Variants in SLC9A9 observed in about 807,000 individuals in gnomAD.
The protein encoded by SLC9A9 is sodium/hydrogen exchanger 9.
Under a neutral mutation model 77.8 loss-of-function variants are expected in SLC9A9, and 62 were observed. That is an observed-to-expected ratio of 0.80 (90% CI 0.65 to 0.98). SLC9A9 has a LOEUF of 0.98. SLC9A9 is among the 50% of genes least tolerant of loss of function. SLC9A9 has a pLI of 0.00. For synonymous variants in SLC9A9, 320 were observed against 283.5 expected, an observed-to-expected ratio of 1.13 and a Z score of -1.29; for missense variants, 775 against 774.9, an observed-to-expected ratio of 1.00 and a Z score of 0.00.
At chr3:143,390,413 G>C (rs940602484) in intron 12 of SLC9A9, among the ~76,000 whole-genome samples, 2 of 152,234 alleles carry the variant, frequency 1.3e-5, no homozygotes, top group Non-Finnish European at 2.9e-5. Context: ...ACAAAACGGA[G>C]ATAGGAATGG....
chr3:143,751,196 G>T (rs1235781915), intron 4 of SLC9A9, among the ~76,000 whole-genome samples: 1 of 152,168 alleles, frequency 6.6e-6, no homozygotes, highest in Non-Finnish European at 1.5e-5. Context: ...ACAGGCTCAT[G>T]CTGTGTGGAG....
At chr3:143,644,577 G>A (rs990862181) in intron 6 of SLC9A9, among the ~76,000 whole-genome samples, 2 of 152,194 alleles carry the variant, frequency 1.3e-5, no homozygotes, top group African/African-American at 4.8e-5. Context: ...AGGCAGGGGT[G>A]TGGGCAGCAC....
chr3:143,620,257 A>T (rs576912341), intron 6 of SLC9A9, among the ~76,000 whole-genome samples: 57 of 152,340 alleles, frequency 3.7e-4, no homozygotes, highest in African/African-American at 1.3e-3. Context: ...GGTTTTGGCA[A>T]GTAGTTGAAC....
chr3:143,574,244 CCTT>C (rs2037319306), intron 7 of SLC9A9, 51 bp from the exon 8 acceptor site: 3 of 1,428,410 alleles, frequency 2.1e-6, no homozygotes, highest in South Asian at 2.3e-5. Flanking sequence ...AGCTACATCT[CCTT>C]CTTGGCTGAG....
At chr3:143,838,388 G>A (rs2009626124) in intron 1 of SLC9A9, among the ~76,000 whole-genome samples, 1 of 152,222 alleles carries the variant, frequency 6.6e-6, no homozygotes, top group Non-Finnish European at 1.5e-5. Context: ...TGGCACAGCA[G>A]AGGACTGGAG....
chr3:143,736,211 T>C (rs551046408), intron 4 of SLC9A9, among the ~76,000 whole-genome samples: 11 of 152,292 alleles, frequency 7.2e-5, no homozygotes, highest in African/African-American at 2.6e-4. Context: ...CTAAATTTAG[T>C]CTCCCCTTGT....
intron 5 of SLC9A9, among the ~76,000 whole-genome samples, chr3:143,663,985 C>T (rs980380508): frequency 1.3e-5 from 2 of 152,080 alleles, no homozygotes; most frequent in African/African-American, 4.8e-5. Flanking sequence ...GAGAACGCCA[C>T]AAAGATACTC....
intron 9 of SLC9A9, among the ~76,000 whole-genome samples, chr3:143,536,240 G>A (rs2036587044): frequency 6.6e-6 from 1 of 152,110 alleles, no homozygotes; most frequent in Admixed American, 6.5e-5. Context: ...TGGGTGAGGT[G>A]GGTAAAGAAC....
chr3:143,536,390 G>A (rs2036588741), intron 9 of SLC9A9, among the ~76,000 whole-genome samples: 1 of 152,028 alleles, frequency 6.6e-6, no homozygotes, highest in Non-Finnish European at 1.5e-5. Context: ...TTATTGTGAG[G>A]GTCAAAGGTA....
intron 4 of SLC9A9, among the ~76,000 whole-genome samples, chr3:143,709,792 A>G (rs1036106253): frequency 6.6e-6 from 1 of 152,188 alleles, no homozygotes; most frequent in Non-Finnish European, 1.5e-5. Context: ...TAGGAAATGA[A>G]AAAACGAGTG....
At chr3:143,799,679 A>T (rs1479233715) in intron 2 of SLC9A9, among the ~76,000 whole-genome samples, 4 of 152,002 alleles carry the variant, frequency 2.6e-5, no homozygotes, top group Non-Finnish European at 4.4e-5. Context: ...CCTGGCAGCC[A>T]CTCCCAGAGC....
intron 12 of SLC9A9, among the ~76,000 whole-genome samples, chr3:143,442,921 A>T (rs2034772534): frequency 6.6e-6 from 1 of 152,180 alleles, no homozygotes; most frequent in Non-Finnish European, 1.5e-5. Flanking sequence ...GGGATGAATG[A>T]CAAAGATTTT....
intron 9 of SLC9A9, chr3:143,504,312 G>A (rs2035974565): frequency 1.6e-5 from 3 of 189,736 alleles, no homozygotes; most frequent in African/African-American, 4.8e-5. Flanking sequence ...ACGAGAAGAT[G>A]TGGCTGTCTA....
chr3:143,515,252 A>G (rs570586766), intron 9 of SLC9A9, among the ~76,000 whole-genome samples: 2 of 152,322 alleles, frequency 1.3e-5, no homozygotes, highest in South Asian at 4.1e-4. Context: ...TAGTGACATC[A>G]AACGTTGTGG....
At chr3:143,725,225 G>A (rs1294696223) in intron 4 of SLC9A9, among the ~76,000 whole-genome samples, 1 of 152,150 alleles carries the variant, frequency 6.6e-6, no homozygotes, top group South Asian at 2.1e-4. Context: ...TCATTAAAAA[G>A]TCAGGAAACA....
At chr3:143,655,995 C>G (rs1278176854) in intron 5 of SLC9A9, among the ~76,000 whole-genome samples, 1 of 152,054 alleles carries the variant, frequency 6.6e-6, no homozygotes, top group African/African-American at 2.4e-5. Context: ...AGGCTGAAGA[C>G]AGAGAGAAAG....
chr3:143,839,869 G>A (rs1031812369), intron 1 of SLC9A9, among the ~76,000 whole-genome samples: 3 of 151,894 alleles, frequency 2.0e-5, no homozygotes, highest in South Asian at 4.1e-4. Flanking sequence ...TTTTTTTCTC[G>A]AACCAGAGAT....
At position 143,836,148 on chromosome 3, in the gene SLC9A9, G is replaced by A. The variant is rs141121640; in HGVS notation, c.176-3927C>T. ...TGTCCCTCTTAAGTCCCACCCGTGGGCACCAGAACCCTGATAAAGTCTGTG... is the reference window on the plus strand; with the variant it reads ...TGTCCCTCTTAAGTCCCACCCGTGGACACCAGAACCCTGATAAAGTCTGTG... On this transcript the variant is annotated intron_variant, in intron 1 of 15. Coordinates refer to ENST00000316549, the MANE Select transcript of SLC9A9 (RefSeq NM_173653.4). 4.6e-5 allele frequency among the ~76,000 whole-genome samples: 7 copies of A among 152,304 alleles called. No individual in the cohort carries two copies. The East Asian group carries it at 1.4e-3, about 29-fold the overall frequency.
chr3:143,819,826 T>G (rs1158716961), intron 2 of SLC9A9, among the ~76,000 whole-genome samples: 1 of 152,244 alleles, frequency 6.6e-6, no homozygotes, highest in Non-Finnish European at 1.5e-5. Flanking sequence ...TCTCATTTAT[T>G]TCTTTACAAC....
Sources: allele counts gnomAD v4.1 joint callset (sites outside exome capture counted in the v4.1 genomes callset), GRCh38; gene constraint gnomAD v4.1.1; transcripts MANE v1.5; gene names NCBI Gene and HGNC (gene_info 2026-07-23, HGNC 2026-07-21).